Variants in MALRD1 observed in about 807,000 individuals in gnomAD.
MALRD1 encodes the protein MAM and LDL-receptor class A domain-containing protein 1.
MALRD1 carries 247 observed loss-of-function variants against 242.1 expected under a neutral mutation model. The ratio of observed to expected loss-of-function variants is 1.02; its 90% CI spans 0.92 to 1.13. The LOEUF (loss-of-function observed/expected upper bound fraction) is 1.13. MALRD1 is among the 50% of genes most tolerant of loss of function. MALRD1 has a pLI of 0.00. For synonymous variants in MALRD1, 995 were observed against 866.6 expected, an observed-to-expected ratio of 1.15 and a Z score of -2.60; for missense variants, 2,989 against 2,533.1, an observed-to-expected ratio of 1.18 and a Z score of -3.86.
intron 26 of MALRD1, among the ~76,000 whole-genome samples, chr10:19,373,222 A>AAAAAAAAAAAAAAAAAG (rs1845463924): frequency 7.8e-6 from 1 of 127,408 alleles, no homozygotes; most frequent in Admixed American, 7.8e-5. Context: ...AAAAAAAAAT[A>AAAAAAAAAAAAAAAAAG]AGGGGCCGGG....
At chr10:19,224,044 A>C (rs1240048256) in intron 18 of MALRD1, among the ~76,000 whole-genome samples, 1 of 152,168 alleles carries the variant, frequency 6.6e-6, no homozygotes, top group Non-Finnish European at 1.5e-5. Context: ...AATGATTTAT[A>C]ATCCTTTGGA....
chr10:19,555,734 C>G (rs926827722), intron 32 of MALRD1, among the ~76,000 whole-genome samples: 6 of 152,010 alleles, frequency 3.9e-5, no homozygotes, highest in Non-Finnish European at 5.9e-5. Context: ...CTAAAGTGCC[C>G]CCTTTGATAG....
chr10:19,068,219 G>T (rs1184906377), intron 2 of MALRD1, among the ~76,000 whole-genome samples: 1 of 151,744 alleles, frequency 6.6e-6, no homozygotes, highest in Non-Finnish European at 1.5e-5. Context: ...AATTCCTCTT[G>T]CTTGCCTCCT....
chr10:19,124,070 A>G (rs987844422), intron 6 of MALRD1, among the ~76,000 whole-genome samples: 14 of 147,982 alleles, frequency 9.5e-5, no homozygotes, highest in African/African-American at 3.5e-4. Flanking sequence ...AAAAAGAATC[A>G]CCTGAGCATG....
intron 32 of MALRD1, among the ~76,000 whole-genome samples, chr10:19,534,329 G>A (rs1256908178): frequency 6.6e-6 from 1 of 152,222 alleles, no homozygotes; most frequent in Non-Finnish European, 1.5e-5. Flanking sequence ...TAAGCATGCA[G>A]TAATTTTACA....
intron 36 of MALRD1, among the ~76,000 whole-genome samples, chr10:19,632,479 A>T (rs577317876): frequency 6.6e-6 from 1 of 152,134 alleles, no homozygotes. Flanking sequence ...GAATCTTTTC[A>T]TCTCTATCTT....
At chr10:19,142,045 G>A (rs1485860817) in intron 10 of MALRD1, among the ~76,000 whole-genome samples, 2 of 151,660 alleles carry the variant, frequency 1.3e-5, no homozygotes, top group African/African-American at 2.4e-5. Context: ...TGTGGTGGGC[G>A]CCTGTAGTCC....
chr10:19,137,940 T>A (rs1199745264), intron 10 of MALRD1, among the ~76,000 whole-genome samples: 1 of 152,246 alleles, frequency 6.6e-6, no homozygotes, highest in Non-Finnish European at 1.5e-5. Context: ...TTTATTTTAC[T>A]GCAGTGTCTT....
chr10:19,389,192 T>TGATGCGACGG (rs1417395808), intron 27 of MALRD1: 1 of 553,842 alleles, frequency 1.8e-6, no homozygotes, highest in African/African-American at 1.9e-5. Flanking sequence ...GCTATCTTGT[T>TGATGCGACGG]GATGCGACGG....
At position 19,718,902 on chromosome 10, in the gene MALRD1, C is replaced by T. The variant is rs77683662; in HGVS notation, c.6315-11804C>T. ...TGCTGTTAGGCCAGGCATGGTGGCT[C>T]ATGCCTTTAATCCCAGTGCTTTGTG... On this transcript the variant is annotated intron_variant, in intron 38 of 39. Coordinates refer to ENST00000454679, the MANE Select transcript of MALRD1 (RefSeq NM_001142308.3). 9.4e-3 allele frequency among the ~76,000 whole-genome samples: 1,421 copies of T among 151,772 alleles called. 21 individuals are homozygous for T. The highest frequency in any genetic ancestry group is 0.028 in the African/African-American group (1,144 of 41,368).
At chr10:19,613,731 A>G (rs1460725100) in intron 35 of MALRD1, among the ~76,000 whole-genome samples, 2 of 152,066 alleles carry the variant, frequency 1.3e-5, no homozygotes, top group Non-Finnish European at 2.9e-5. Flanking sequence ...GGCCGATGTA[A>G]CCCAGAAGCT....
intron 38 of MALRD1, among the ~76,000 whole-genome samples, chr10:19,699,259 G>A (rs1411787602): frequency 6.7e-6 from 1 of 148,818 alleles, no homozygotes; most frequent in Non-Finnish European, 1.5e-5. Context: ...CCTGGGAAGG[G>A]AGAAAATTGT....
At chr10:19,611,903 T>A (rs1175899427) in intron 35 of MALRD1, among the ~76,000 whole-genome samples, 1 of 152,036 alleles carries the variant, frequency 6.6e-6, no homozygotes, top group Admixed American at 6.6e-5. Context: ...CCAGTGAACA[T>A]CTGTGTTCTT....
In MALRD1 at chr10:19,286,938, C is replaced by T. The variant is rs565483272; in HGVS notation, c.3419+3757C>T. 2.3e-3 allele frequency among the ~76,000 whole-genome samples: 342 copies of T among 150,704 alleles called. 2 individuals carry two copies. The highest frequency in any genetic ancestry group is 7.7e-3 in the African/African-American group (316 of 40,972). ...AATCCTCAATAAAATACTGGCAAAC[C>T]GAATCCAGCAGCACATCAAAAAGCT... On this transcript the variant is annotated intron_variant, in intron 21 of 39. Transcript: ENST00000454679.
intron 38 of MALRD1, chr10:19,728,436 C>T (rs1448166663): frequency 2.0e-5 from 3 of 152,182 alleles, no homozygotes; most frequent in African/African-American, 7.2e-5. Flanking sequence ...TGGTCTGGGT[C>T]ATCTGGAGTC....
intron 21 of MALRD1, among the ~76,000 whole-genome samples, chr10:19,314,421 A>G (rs1179746471): frequency 6.6e-6 from 1 of 151,588 alleles, no homozygotes; most frequent in Non-Finnish European, 1.5e-5. Context: ...CAGAAGTTAT[A>G]AGTGTGCCCA....
At chr10:19,409,417 T>C (rs1267677736) in intron 28 of MALRD1, among the ~76,000 whole-genome samples, 1 of 151,936 alleles carries the variant, frequency 6.6e-6, no homozygotes, top group African/African-American at 2.4e-5. Context: ...ATCATGCCAA[T>C]GCACTCTAGC....
chr10:19,146,027 T>A (rs1826803130), intron 10 of MALRD1, among the ~76,000 whole-genome samples, 171 bp from the exon 11 acceptor site: 1 of 152,104 alleles, frequency 6.6e-6, no homozygotes, highest in Admixed American at 6.6e-5. Context: ...ACACAGCACC[T>A]GAGATATTGT....
At chr10:19,234,632 T>A (rs967279747) in intron 18 of MALRD1, among the ~76,000 whole-genome samples, 3 of 150,910 alleles carry the variant, frequency 2.0e-5, no homozygotes. Context: ...AGCTTATCTT[T>A]AAAAAAAAAG....
Sources: gnomAD v4.1 joint callset for allele counts (sites outside exome capture counted in the v4.1 genomes callset) on GRCh38, gnomAD v4.1.1 for gene constraint, MANE v1.5 for transcripts, NCBI Gene and HGNC (gene_info 2026-07-23, HGNC 2026-07-21) for gene names.